Variants in GPR39 observed in about 807,000 individuals in gnomAD.
GPR39 encodes the protein zinc sensing receptor.
In GPR39, 23 loss-of-function variants were observed where a neutral mutation model predicts 18.4. The ratio of observed to expected loss-of-function variants is 1.25; its 90% CI spans 0.90 to 1.77. GPR39 has a LOEUF of 1.77. Ranked by LOEUF, GPR39 falls within the 40% of genes most tolerant of loss-of-function variation. The probability of loss-of-function intolerance (pLI) is 0.00; values close to 1 mark genes in which losing one functional copy is unlikely to be tolerated. For missense variants in GPR39, 647 were observed against 602.4 expected, an observed-to-expected ratio of 1.07 and a Z score of -0.78; for synonymous variants, 280 against 257.9, an observed-to-expected ratio of 1.09 and a Z score of -0.82.
chr2:132,631,134 G>A (rs1427755867), intron 1 of GPR39, among the ~76,000 whole-genome samples: 2 of 152,180 alleles, frequency 1.3e-5, no homozygotes, highest in East Asian at 1.9e-4. Context: ...GGCAGCTCCT[G>A]GAGGTGCTCT....
intron 1 of GPR39, among the ~76,000 whole-genome samples, chr2:132,441,688 G>A (rs369232403): frequency 3.9e-5 from 6 of 152,174 alleles, no homozygotes; most frequent in African/African-American, 1.4e-4. Context: ...TGTTATGCTA[G>A]GTGCTAGGAG....
intron 1 of GPR39, among the ~76,000 whole-genome samples, chr2:132,582,335 T>C (rs1171653281): frequency 6.6e-6 from 1 of 152,260 alleles, no homozygotes; most frequent in Non-Finnish European, 1.5e-5. Context: ...AGCTGCTGTT[T>C]CAATTCATGA....
intron 1 of GPR39, among the ~76,000 whole-genome samples, chr2:132,572,329 G>A (rs1253691023): frequency 2.6e-5 from 4 of 152,036 alleles, no homozygotes; most frequent in Non-Finnish European, 5.9e-5. Context: ...TAGTAATCAT[G>A]AGTCCCTCTC....
chr2:132,646,024 G>C lies in GPR39; in HGVS notation c.*418G>C, dbSNP rs762327286. 5 of 1,502,534 alleles carry C rather than the reference G, an allele frequency of 3.3e-6. No homozygotes were observed. Among genetic ancestry groups the C allele is most frequent in the South Asian group, 2.6e-5 (2 of 76,344 alleles). 93.1% of individuals were successfully genotyped at this position (1,502,534 alleles called of 1,614,324 possible). A position where few individuals can be genotyped will look rare whatever the true frequency, so the allele number is the denominator to read the frequency against. On this transcript the variant is annotated 3_prime_UTR_variant, in exon 2 of 2. Transcript: ENST00000329321. ...GAGGGCTGGAAGAACAATGCAGGAG[G>C]GGGTGGCATCTCCTTCAGCTTCAGC... is the stretch of plus-strand genomic sequence containing the variant.
chr2:132,626,434 C>T (rs2104865127), intron 1 of GPR39, among the ~76,000 whole-genome samples: 1 of 152,302 alleles, frequency 6.6e-6, no homozygotes, highest in East Asian at 1.9e-4. Flanking sequence ...CTACAGTGTC[C>T]TCTGACAGCC....
At chr2:132,452,767 G>T (rs186020693) in intron 1 of GPR39, among the ~76,000 whole-genome samples, 2 of 151,796 alleles carry the variant, frequency 1.3e-5, no homozygotes, top group African/African-American at 4.8e-5. Flanking sequence ...GGAGAATGAC[G>T]GTTTCCAGCT....
At chr2:132,458,228 C>A (rs1364907885) in intron 1 of GPR39, among the ~76,000 whole-genome samples, 1 of 152,194 alleles carries the variant, frequency 6.6e-6, no homozygotes, top group Non-Finnish European at 1.5e-5. Context: ...ATGCTGGGAG[C>A]TGCAGACTGG....
intron 1 of GPR39, among the ~76,000 whole-genome samples, chr2:132,573,236 G>T (rs773158164): frequency 6.6e-6 from 1 of 152,190 alleles, no homozygotes; most frequent in Non-Finnish European, 1.5e-5. Flanking sequence ...TCAAAGATTT[G>T]GAAGACCTTT....
At position 132,645,107 on chromosome 2, in the gene GPR39, T is replaced by C. The variant is rs767520443; in HGVS notation, c.863T>C (p.Ile288Thr). 6.2e-7 allele frequency: 1 copy of C among 1,612,072 alleles called. No individual in the cohort carries two copies. The highest frequency in any genetic ancestry group is 8.5e-7 in the Non-Finnish European group (1 of 1,178,796). The change falls in exon 2 of 2, where the codon ATT becomes ACT. Residue 288 changes from isoleucine to threonine, a missense_variant. Physicochemically the swap from Ile to Thr is moderately conservative, Grantham distance 89. This residue lies in a region of GPR39 where 581 missense variants were observed against 506.8 expected (regional missense o/e 1.15). Transcript: ENST00000329321. ...CCTGCTCGTGTCTGCCCAGGGCTGA[T>C]TGTTGTGACATTGGCCGTATGCTGG... Reference protein sequence around the residue: ...RRQTIIFLRLIVVTLAVCWMP... With the variant: ...RRQTIIFLRLTVVTLAVCWMP...
intron 1 of GPR39, chr2:132,606,319 G>C (rs1419721038): frequency 3.3e-5 from 5 of 152,244 alleles, no homozygotes; most frequent in African/African-American, 4.8e-5. Context: ...TATGGAGAGA[G>C]TGAATTTTGA....
At chr2:132,581,159 A>G (rs1680615883) in intron 1 of GPR39, among the ~76,000 whole-genome samples, 1 of 151,656 alleles carries the variant, frequency 6.6e-6, no homozygotes, top group Non-Finnish European at 1.5e-5. Flanking sequence ...TGAATATCTT[A>G]GTTGTCCAGT....
chr2:132,590,818 C>CGTGTGTGTGTGT lies in GPR39; in HGVS notation c.857-54260_857-54249dup, dbSNP rs3066458. Among the ~76,000 whole-genome samples the CGTGTGTGTGTGT allele has an allele frequency of 6.3e-4, 91 of 144,004 alleles. 1 individual carries two copies. The highest frequency in any genetic ancestry group is 3.5e-3 in the Middle Eastern group (1 of 282). 94.5% of individuals were successfully genotyped at this position (144,004 alleles called of 152,430 possible). On this transcript the variant is annotated intron_variant, in intron 1 of 1. Coordinates refer to ENST00000329321, the MANE Select transcript of GPR39 (RefSeq NM_001508.3). ...GGATTGAAGGATGCAAAGTATTGTT[C>CGTGTGTGTGTGT]GTGTGTGTGTGTGTGTGTGTGTGTG...
At chr2:132,604,135 A>G (rs1041955324) in intron 1 of GPR39, among the ~76,000 whole-genome samples, 4 of 151,982 alleles carry the variant, frequency 2.6e-5, no homozygotes, top group Non-Finnish European at 5.9e-5. Flanking sequence ...GAGATAACCT[A>G]TCCCACATGA....
rs1680416892 is a variant in GPR39, at chr2:132,570,135, G to A, written c.857-74966G>A. Among the ~76,000 whole-genome samples the A allele has an allele frequency of 2.0e-5, 3 of 152,242 alleles. No homozygotes were observed. In the South Asian group the frequency reaches 6.2e-4, roughly 32 times the overall value. On this transcript the variant is annotated intron_variant, in intron 1 of 1. Transcript: ENST00000329321. ...CCCCGGGAGCCCACTCACTGCCCTT[G>A]GCCCTCCCCACCCAGCTGATTTTCT...
chr2:132,456,839 G>A (rs4273270), intron 1 of GPR39, among the ~76,000 whole-genome samples: 76,207 of 152,072 alleles, frequency 0.5, 20,865 homozygotes, highest in Non-Finnish European at 0.62. Flanking sequence ...GGTTTCTGCC[G>A]AGAGATCCGC....
chr2:132,491,670 A>G (rs1242104577), intron 1 of GPR39, among the ~76,000 whole-genome samples: 1 of 151,950 alleles, frequency 6.6e-6, no homozygotes, highest in African/African-American at 2.4e-5. Flanking sequence ...GGAAGGGGTT[A>G]GGAATGGAGA....
chr2:132,560,113 C>T (rs1295282018), intron 1 of GPR39, among the ~76,000 whole-genome samples: 1 of 152,182 alleles, frequency 6.6e-6, no homozygotes, highest in Non-Finnish European at 1.5e-5. Flanking sequence ...GCTTAGCTCT[C>T]TTTCCCAATC....
At chr2:132,466,988 A>AC (rs1680938431) in intron 1 of GPR39, among the ~76,000 whole-genome samples, 1 of 152,156 alleles carries the variant, frequency 6.6e-6, no homozygotes, top group Non-Finnish European at 1.5e-5. Flanking sequence ...AACATTTTTA[A>AC]AGTACCTGCC....
intron 1 of GPR39, among the ~76,000 whole-genome samples, chr2:132,509,075 C>G (rs967750817): frequency 3.9e-5 from 6 of 152,302 alleles, no homozygotes; most frequent in Middle Eastern, 3.4e-3. Flanking sequence ...GGTCCAAGAG[C>G]TGGGAAACCA....
Sources: gnomAD v4.1 joint callset for allele counts (sites outside exome capture counted in the v4.1 genomes callset) on GRCh38, gnomAD v4.1.1 for gene constraint, gnomAD v4.1.1 regional missense constraint, MANE v1.5 for transcripts, NCBI Gene and HGNC (gene_info 2026-07-23, HGNC 2026-07-21) for gene names.